The following KCNIP4 variants were observed in gnomAD, a reference collection of about 807,000 sequenced individuals.
The protein encoded by KCNIP4 is potassium voltage-gated channel interacting protein 4, also known as Kv channel-interacting protein 4.
Under a neutral mutation model 34.0 loss-of-function variants are expected in KCNIP4, and 12 were observed. The observed-to-expected ratio is 0.35, with a 90% confidence interval of 0.23 to 0.57. The LOEUF (loss-of-function observed/expected upper bound fraction) is 0.57. Ranked by LOEUF, KCNIP4 falls within the 20% of genes least tolerant of loss-of-function variation. The probability of loss-of-function intolerance (pLI) is 0.83; values close to 1 mark genes in which losing one functional copy is unlikely to be tolerated. For missense variants in KCNIP4, 238 were observed against 311.7 expected (o/e 0.76, Z 1.78); for synonymous variants, 124 against 102.2 (o/e 1.21, Z -1.29).
intron 3 of KCNIP4, among the ~76,000 whole-genome samples, chr4:20,842,911 ATT>A (rs536947465): frequency 8.4e-5 from 12 of 143,358 alleles, no homozygotes; most frequent in Admixed American, 1.4e-4. Context: ...CTGGATTTAC[ATT>A]TTTTTTTTTT....
At chr4:21,467,588 A>T (rs935273877) in intron 1 of KCNIP4, among the ~76,000 whole-genome samples, 3 of 152,192 alleles carry the variant, frequency 2.0e-5, no homozygotes, top group Non-Finnish European at 2.9e-5. Flanking sequence ...GGATATCTTC[A>T]TAAAAACATT....
intron 1 of KCNIP4, among the ~76,000 whole-genome samples, chr4:21,530,036 G>C (rs1470933500): frequency 6.6e-6 from 1 of 152,172 alleles, no homozygotes; most frequent in Admixed American, 6.5e-5. Flanking sequence ...GCACTTTGTA[G>C]TGCGCTGTAT....
chr4:20,741,161 A>G (rs1324031019), intron 5 of KCNIP4, among the ~76,000 whole-genome samples: 3 of 152,202 alleles, frequency 2.0e-5, no homozygotes, highest in Admixed American at 2.0e-4. Flanking sequence ...ACACAGATCA[A>G]TGAGACAGAA....
chr4:21,173,519 A>G (rs915075010), intron 1 of KCNIP4, among the ~76,000 whole-genome samples: 1 of 152,192 alleles, frequency 6.6e-6, no homozygotes, highest in Admixed American at 6.5e-5. Flanking sequence ...CAAGCAAAGT[A>G]ACATCATTTG....
intron 1 of KCNIP4, among the ~76,000 whole-genome samples, chr4:21,110,524 C>T (rs760286704): frequency 7.9e-5 from 12 of 152,130 alleles, no homozygotes; most frequent in South Asian, 2.1e-4. Context: ...TACATTAGTG[C>T]CAGTTATTTC....
intron 1 of KCNIP4, among the ~76,000 whole-genome samples, chr4:21,882,464 T>C (rs1397388444): frequency 6.6e-6 from 1 of 152,156 alleles, no homozygotes; most frequent in Non-Finnish European, 1.5e-5. Flanking sequence ...TGATCTTTAA[T>C]GTCTCCAAGG....
intron 1 of KCNIP4, among the ~76,000 whole-genome samples, chr4:21,543,295 G>A (rs1437644297): frequency 1.3e-5 from 2 of 151,972 alleles, no homozygotes; most frequent in African/African-American, 4.8e-5. Context: ...ATTTTAGAAT[G>A]TTACTCTTTT....
chr4:21,066,779 C>A (rs1269726875), intron 1 of KCNIP4, among the ~76,000 whole-genome samples: 1 of 152,258 alleles, frequency 6.6e-6, no homozygotes, highest in Non-Finnish European at 1.5e-5. Context: ...GGCAAAAGGA[C>A]TCTGGGGTCC....
chr4:21,862,824 G>A (rs1725159066), intron 1 of KCNIP4, among the ~76,000 whole-genome samples: 2 of 152,116 alleles, frequency 1.3e-5, no homozygotes, highest in Admixed American at 6.5e-5. Context: ...AGCCGGGCGT[G>A]GTGGCAGGCA....
chr4:21,108,850 T>C (rs1440379268), intron 1 of KCNIP4, among the ~76,000 whole-genome samples: 1 of 152,214 alleles, frequency 6.6e-6, no homozygotes, highest in Non-Finnish European at 1.5e-5. Flanking sequence ...TGTTGGAGTT[T>C]TCTAGAGGTC....
intron 1 of KCNIP4, among the ~76,000 whole-genome samples, chr4:21,331,894 A>T (rs186993651): frequency 3.3e-5 from 5 of 152,026 alleles, no homozygotes; most frequent in Non-Finnish European, 5.9e-5. Flanking sequence ...TCCCAATTAG[A>T]CTCACTTTGT....
chr4:21,419,220 G>A (rs1027877817), intron 1 of KCNIP4, among the ~76,000 whole-genome samples: 1 of 152,158 alleles, frequency 6.6e-6, no homozygotes, highest in Non-Finnish European at 1.5e-5. Flanking sequence ...CATCAAGCAT[G>A]GTACTTGGAA....
At chr4:21,569,420 CAGAACTTT>C (rs1341286953) in intron 1 of KCNIP4, among the ~76,000 whole-genome samples, 1 of 151,798 alleles carries the variant, frequency 6.6e-6, no homozygotes, top group Non-Finnish European at 1.5e-5. Context: ...AAAGAAAGTA[CAGAACTTT>C]AGTAATTTGA....
intron 1 of KCNIP4, among the ~76,000 whole-genome samples, chr4:20,924,301 T>C (rs1428716305): frequency 6.6e-6 from 1 of 152,152 alleles, no homozygotes; most frequent in African/African-American, 2.4e-5. Context: ...AGAAGCTCCA[T>C]GTATCAGTAA....
intron 1 of KCNIP4, chr4:21,850,529 G>A (rs1290011315): frequency 6.6e-6 from 1 of 152,060 alleles, no homozygotes; most frequent in Non-Finnish European, 1.5e-5. Flanking sequence ...GGACTCTACA[G>A]AGAGTCCCTA....
At chr4:21,146,536 T>C (rs1274399101) in intron 1 of KCNIP4, among the ~76,000 whole-genome samples, 1 of 152,114 alleles carries the variant, frequency 6.6e-6, no homozygotes, top group Non-Finnish European at 1.5e-5. Context: ...GGTCAGAGAG[T>C]CTGCTGTACT....
At chr4:21,120,838 G>A (rs1019176831) in intron 1 of KCNIP4, among the ~76,000 whole-genome samples, 4 of 152,014 alleles carry the variant, frequency 2.6e-5, no homozygotes, top group Non-Finnish European at 4.4e-5. Flanking sequence ...CTAAATTAAG[G>A]CCCACCTCAA....
At chr4:21,923,165 A>G (rs1008425281) in intron 1 of KCNIP4, among the ~76,000 whole-genome samples, 3 of 151,844 alleles carry the variant, frequency 2.0e-5, no homozygotes, top group African/African-American at 7.3e-5. Context: ...TTCCCATTAC[A>G]CTCTGATCTC....
At chr4:21,491,977 T>A (rs1411223760) in intron 1 of KCNIP4, among the ~76,000 whole-genome samples, 1 of 152,148 alleles carries the variant, frequency 6.6e-6, no homozygotes, top group East Asian at 1.9e-4. Flanking sequence ...TGTTTTCCAA[T>A]TCCCTGGCAC....
Sources: gnomAD v4.1 joint callset for allele counts (sites outside exome capture counted in the v4.1 genomes callset) on GRCh38, gnomAD v4.1.1 for gene constraint, MANE v1.5 for transcripts, NCBI Gene and HGNC (gene_info 2026-07-23, HGNC 2026-07-21) for gene names.